Variants in M1AP observed in about 807,000 individuals in gnomAD.
M1AP encodes the protein meiosis 1 arrest protein.
In M1AP, 39 loss-of-function variants were observed where a neutral mutation model predicts 51.2. The observed-to-expected ratio is 0.76, with a 90% CI of 0.59 to 1.00. M1AP has a LOEUF of 1.00. M1AP is among the 50% of genes least tolerant of loss of function. The pLI, the probability that M1AP is intolerant of heterozygous loss-of-function variation, is 0.00. For missense variants in M1AP, 545 were observed against 641.2 expected, an observed-to-expected ratio of 0.85 and a Z score of 1.62; for synonymous variants, 251 against 249.2, an observed-to-expected ratio of 1.01 and a Z score of -0.07.
At chr2:74,583,661 A>G (rs142667580) in intron 4 of M1AP, among the ~76,000 whole-genome samples, 2 of 152,346 alleles carry the variant, frequency 1.3e-5, no homozygotes, top group East Asian at 1.9e-4. Flanking sequence ...AGTTGCTCCA[A>G]TGAATTAGCT....
In M1AP at chr2:74,581,661, G is replaced by C. The variant is rs769784949; in HGVS notation, c.769+13C>G. 2 of 1,609,664 alleles carry C rather than the reference G, an allele frequency of 1.2e-6. No homozygotes were observed. Among genetic ancestry groups the C allele is most frequent in the South Asian group, 1.1e-5 (1 of 90,892 alleles). On this transcript the variant is annotated intron_variant, in intron 5 of 10. Transcript: ENST00000421985. ...AATAATCATAGCCTAAATATCTTTT[G>C]GGGATTATGTACTTGGATTATCTCT...
intron 4 of M1AP, among the ~76,000 whole-genome samples, chr2:74,602,707 G>C (rs1254842733): frequency 6.6e-6 from 1 of 152,142 alleles, no homozygotes; most frequent in Admixed American, 6.5e-5. Context: ...GGAAAGCACA[G>C]GCAAACTAGG....
intron 8 of M1AP, among the ~76,000 whole-genome samples, chr2:74,560,600 C>T (rs1415218270): frequency 6.6e-6 from 1 of 152,158 alleles, no homozygotes; most frequent in Non-Finnish European, 1.5e-5. Context: ...TACAAGGGAT[C>T]CACTGTGAGC....
At chr2:74,625,893 C>A (rs1318636129) in intron 2 of M1AP, among the ~76,000 whole-genome samples, 1 of 152,202 alleles carries the variant, frequency 6.6e-6, no homozygotes, top group Non-Finnish European at 1.5e-5. Context: ...TCTCCTGTGG[C>A]CATCTCAATG....
chr2:74,561,217 A>G (rs200245737), intron 8 of M1AP, among the ~76,000 whole-genome samples: 3,215 of 24,316 alleles, frequency 0.13, no homozygotes, highest in Non-Finnish European at 0.18. Flanking sequence ...GGAGGAGGAG[A>G]AGGAGGAGGA....
chr2:74,620,028 T>C (rs1393969984), intron 2 of M1AP, among the ~76,000 whole-genome samples: 1 of 152,148 alleles, frequency 6.6e-6, no homozygotes, highest in Non-Finnish European at 1.5e-5. Context: ...AATAAGAAAA[T>C]TATTCCTGAT....
rs376125939 is a variant in M1AP at position 74,582,419 on chromosome 2, C to T, written c.596-572G>A. On this transcript the variant is annotated intron_variant, in intron 4 of 10. Transcript: ENST00000421985. ...TCAATAGGGAATATTTAAATTATGACACACTCAAACTATGGAGTATTACGT... is the reference window on the plus strand; with the variant it reads ...TCAATAGGGAATATTTAAATTATGATACACTCAAACTATGGAGTATTACGT... 3.9e-4 allele frequency among the ~76,000 whole-genome samples: 60 copies of T among 152,302 alleles called. 1 individual carries two copies. The highest frequency in any genetic ancestry group is 1.4e-3 in the African/African-American group (59 of 41,564).
At chr2:74,621,209 G>C (rs186313406) in intron 2 of M1AP, among the ~76,000 whole-genome samples, 1,921 of 152,136 alleles carry the variant, frequency 0.013, 24 homozygotes, top group Non-Finnish European at 0.021. Context: ...ATGAACCCGG[G>C]AGGTGGAGGT....
chr2:74,629,940 C>CTTT (rs769023462), intron 2 of M1AP, among the ~76,000 whole-genome samples: 1 of 136,812 alleles, frequency 7.3e-6, no homozygotes, highest in African/African-American at 2.7e-5. Flanking sequence ...AGATTCACAA[C>CTTT]TTTTTTTTTT....
intron 2 of M1AP, among the ~76,000 whole-genome samples, chr2:74,629,268 C>A (rs1682569466): frequency 6.6e-6 from 1 of 152,070 alleles, no homozygotes; most frequent in African/African-American, 2.4e-5. Flanking sequence ...GCATATAATT[C>A]TTTTAATGTG....
chr2:74,637,469 C>T (rs1163111375), intron 2 of M1AP, among the ~76,000 whole-genome samples: 1 of 152,160 alleles, frequency 6.6e-6, no homozygotes, highest in Non-Finnish European at 1.5e-5. Context: ...CTTTGCACAC[C>T]TATTTAAGTT....
chr2:74,576,354 C>T (rs1487376212), intron 6 of M1AP, 102 bp downstream of exon 6: 12 of 1,281,458 alleles, frequency 9.4e-6, no homozygotes, highest in Non-Finnish European at 1.3e-5. Context: ...TGACTCTTGC[C>T]TGCCTGACAC....
rs538939175 is a variant in M1AP, at chr2:74,638,037, AG to A, written c.240+1998del. Among the ~76,000 whole-genome samples, 173 of 151,668 alleles carry A rather than the reference AG, an allele frequency of 1.1e-3. No homozygotes were observed. The South Asian group carries it at 0.034, about 30-fold the overall frequency. On this transcript the variant is annotated intron_variant, in intron 2 of 10. Coordinates refer to ENST00000421985, the MANE Select transcript of M1AP (RefSeq NM_001321739.2). The stretch of plus-strand genomic sequence containing the variant: ...GCATTGTAGCTTAGAAACTTTCTCA[AG>A]GCAGTAAGCTGGGACAATTCTTTTT...
chr2:74,609,761 G>T (rs767623325), intron 3 of M1AP, among the ~76,000 whole-genome samples: 6 of 152,076 alleles, frequency 3.9e-5, no homozygotes, highest in Non-Finnish European at 8.8e-5. Context: ...TTCTAACTGG[G>T]GTGAGGTAAT....
At chr2:74,589,350 C>T (rs756224925) in intron 4 of M1AP, among the ~76,000 whole-genome samples, 1 of 152,354 alleles carries the variant, frequency 6.6e-6, no homozygotes, top group Non-Finnish European at 1.5e-5. Context: ...AAGTGGCACA[C>T]TCATGTATCA....
At chr2:74,615,385 A>G in intron 2 of M1AP, 4 of 491,036 alleles carry the variant, frequency 8.1e-6, no homozygotes, top group Non-Finnish European at 1.5e-5. Flanking sequence ...GTTACCAGAA[A>G]CATGAAAGGA....
intron 5 of M1AP, 125 bp downstream of exon 5, chr2:74,581,549 T>C: frequency 1.1e-6 from 1 of 870,056 alleles, no homozygotes; most frequent in Non-Finnish European, 1.8e-6. Flanking sequence ...TTGGACAGCC[T>C]CATCCAACCC....
At position 74,623,094 on chromosome 2, in the gene M1AP, A is replaced by G. The variant is rs557152016; in HGVS notation, c.241-7945T>C. Among the ~76,000 whole-genome samples, 14 of 152,316 alleles carry G rather than the reference A, an allele frequency of 9.2e-5. No individual in the cohort carries two copies. The South Asian group carries it at 2.7e-3, about 29-fold the overall frequency. On this transcript the variant is annotated intron_variant, in intron 2 of 10. Transcript: ENST00000421985. The stretch of plus-strand genomic sequence containing the variant: ...TAAGGTCAGTAATTACAATAAATAC[A>G]AACTTACTTCCTAAAATATACCAGC...
At chr2:74,635,427 G>A (rs991582647) in intron 2 of M1AP, among the ~76,000 whole-genome samples, 1 of 151,964 alleles carries the variant, frequency 6.6e-6, no homozygotes, top group Non-Finnish European at 1.5e-5. Context: ...TCTTTTCAAA[G>A]AATCAACTTC....
Sources: gnomAD v4.1 joint callset for allele counts (sites outside exome capture counted in the v4.1 genomes callset) on GRCh38, gnomAD v4.1.1 for gene constraint, MANE v1.5 for transcripts, NCBI Gene and HGNC (gene_info 2026-07-23, HGNC 2026-07-21) for gene names.